RAPGEF4: variants seen among roughly 807,000 people sequenced by gnomAD.
RAPGEF4 encodes the protein RAP guanine-nucleotide-exchange factor (GEF) 4.
A neutral mutation model predicts 147.9 loss-of-function variants in RAPGEF4; 66 were observed. The ratio of observed to expected loss-of-function variants is 0.45; its 90% CI spans 0.37 to 0.55. The LOEUF is 0.55. Among genes scored for constraint, RAPGEF4 ranks in the 20% least tolerant of loss-of-function variants. RAPGEF4 has a pLI of 0.00. For synonymous variants in RAPGEF4, 419 were observed against 442.7 expected (o/e 0.95, Z 0.67); for missense variants, 1,071 against 1,257.3 (o/e 0.85, Z 2.24).
intron 23 of RAPGEF4, among the ~76,000 whole-genome samples, chr2:173,025,466 G>A (rs1696569421): frequency 6.6e-6 from 1 of 152,180 alleles, no homozygotes; most frequent in South Asian, 2.1e-4. Flanking sequence ...TTTTGGAGAT[G>A]GAGTCTCATT....
At chr2:172,919,246 G>C (rs927063609) in intron 5 of RAPGEF4, among the ~76,000 whole-genome samples, 1 of 152,134 alleles carries the variant, frequency 6.6e-6, no homozygotes, top group Non-Finnish European at 1.5e-5. Context: ...GTGAATCAAA[G>C]TATGTTGTTT....
At chr2:172,786,988 T>C (rs1282971299) in intron 1 of RAPGEF4, among the ~76,000 whole-genome samples, 3 of 152,124 alleles carry the variant, frequency 2.0e-5, no homozygotes, top group African/African-American at 7.2e-5. Context: ...GGCGGGTGGA[T>C]CACCTGAGGT....
chr2:172,940,353 C>T (rs2105323911), intron 6 of RAPGEF4, among the ~76,000 whole-genome samples: 1 of 152,104 alleles, frequency 6.6e-6, no homozygotes, highest in Middle Eastern at 3.4e-3. Context: ...ATTGTAATCC[C>T]AATGCTGGAG....
intron 6 of RAPGEF4, among the ~76,000 whole-genome samples, chr2:172,957,990 T>C (rs1311230398): frequency 6.6e-6 from 1 of 152,238 alleles, no homozygotes; most frequent in Non-Finnish European, 1.5e-5. Flanking sequence ...TGTTAAAATA[T>C]AGCCATTGCT....
chr2:172,959,215 G>A (rs758175220), intron 6 of RAPGEF4, among the ~76,000 whole-genome samples: 8 of 152,228 alleles, frequency 5.3e-5, no homozygotes, highest in Non-Finnish European at 8.8e-5. Flanking sequence ...ACAATAAGGC[G>A]TCAGCAGGGC....
intron 12 of RAPGEF4, 59 bp downstream of exon 12, chr2:172,985,552 C>T: frequency 6.3e-7 from 1 of 1,579,914 alleles, no homozygotes; most frequent in Non-Finnish European, 8.6e-7. Context: ...AAGCACATGC[C>T]ACGGGAAGCC....
intron 10 of RAPGEF4, 105 bp downstream of exon 10, chr2:172,967,549 C>T: frequency 1.7e-6 from 2 of 1,206,222 alleles, no homozygotes; most frequent in South Asian, 1.7e-5. Flanking sequence ...CCTGGCCATC[C>T]CCCATGGAAC....
At chr2:172,951,172 T>G (rs1688174736) in intron 6 of RAPGEF4, among the ~76,000 whole-genome samples, 1 of 152,242 alleles carries the variant, frequency 6.6e-6, no homozygotes, top group African/African-American at 2.4e-5. Context: ...AATTACTTAG[T>G]ATTCCTCTCT....
intron 4 of RAPGEF4, among the ~76,000 whole-genome samples, chr2:172,842,082 A>C (rs561318094): frequency 6.6e-6 from 1 of 152,314 alleles, no homozygotes; most frequent in African/African-American, 2.4e-5. Flanking sequence ...TATATAGACC[A>C]TCTGTTATGT....
At chr2:172,818,736 C>G (rs1253249326) in intron 4 of RAPGEF4, among the ~76,000 whole-genome samples, 1 of 152,166 alleles carries the variant, frequency 6.6e-6, no homozygotes, top group African/African-American at 2.4e-5. Context: ...AAAAGTAGTC[C>G]TTTAATAGGC....
chr2:172,756,107 T>C (rs914356224), intron 1 of RAPGEF4, among the ~76,000 whole-genome samples: 1 of 152,238 alleles, frequency 6.6e-6, no homozygotes, highest in African/African-American at 2.4e-5. Context: ...CCCTACTTCA[T>C]ATCACTCATT....
chr2:172,791,107 A>G (rs1307278824), intron 1 of RAPGEF4, among the ~76,000 whole-genome samples: 2 of 152,192 alleles, frequency 1.3e-5, no homozygotes, highest in Non-Finnish European at 2.9e-5. Flanking sequence ...CAGATACTGC[A>G]TGAAGGCAGA....
rs141664267 is a variant in RAPGEF4, at chr2:173,003,895, C to T, written c.1658+2551C>T. ...AGTGGTTTAACCCCTATGTTTTTAA[C>T]GTGGGATATTAGGGATAGTAAAATA... is the stretch of plus-strand genomic sequence containing the variant. On this transcript the variant is annotated intron_variant, in intron 17 of 30. Transcript: ENST00000397081. Among the ~76,000 whole-genome samples, 20 of 152,238 alleles carry T rather than the reference C, an allele frequency of 1.3e-4. No individual in the cohort carries two copies. The East Asian group carries it at 3.5e-3, about 26-fold the overall frequency.
At position 172,814,372 on chromosome 2, in the gene RAPGEF4, G is replaced by A; in HGVS notation, c.391G>A (p.Glu131Lys). The change falls in exon 4 of 31, where the codon GAG becomes AAG. Residue 131 changes from glutamate to lysine, a missense_variant. Glu to Lys is a moderately conservative substitution (Grantham distance 56). Transcript: ENST00000397081. ...TPRHATIVTR[E>K]SSELLRIEQK... is the part of the protein sequence containing the mutation. ...CCGCCATGCAACCATCGTTACCAGG[G>A]AGAGCAGTGAACTGCTCCGCATCGA... The A allele has an allele frequency of 6.2e-7, 1 of 1,614,110 alleles. No individual in the cohort carries two copies. Among genetic ancestry groups the A allele is most frequent in the African/African-American group, 1.3e-5 (1 of 75,034 alleles).
At chr2:172,969,269 G>T (rs1322892251) in intron 10 of RAPGEF4, among the ~76,000 whole-genome samples, 1 of 152,220 alleles carries the variant, frequency 6.6e-6, no homozygotes. Flanking sequence ...AGGTGCTAAG[G>T]CATTAAGGTA....
At chr2:172,844,130 A>C (rs1399966734) in intron 4 of RAPGEF4, among the ~76,000 whole-genome samples, 1 of 152,224 alleles carries the variant, frequency 6.6e-6, no homozygotes, top group Non-Finnish European at 1.5e-5. Context: ...TTACGGGTTG[A>C]TCAGTATACA....
rs752059924 is a variant in RAPGEF4, at chr2:172,996,470, A to G, written c.1495A>G (p.Thr499Ala). 13 of 1,561,888 alleles carry G rather than the reference A, an allele frequency of 8.3e-6. No homozygotes were observed. Among genetic ancestry groups the G allele is most frequent in the Admixed American group, 8.3e-5 (4 of 48,140 alleles). The change falls in exon 16 of 31, where the codon ACT becomes GCT. Residue 499 changes from threonine to alanine, a missense_variant. Coordinates refer to ENST00000397081, the MANE Select transcript of RAPGEF4 (RefSeq NM_007023.4). ...GCATTTTTGTTTCTTATCCAGGTAT[A>G]CTGTGATGTCAGGAACACCTGAAAA... ...QGNSQPQQKY[T>A]VMSGTPEKIL...
At position 173,048,589 on chromosome 2, in the gene RAPGEF4, A is replaced by G; in HGVS notation, c.2854-11A>G. The G allele has an allele frequency of 6.2e-7, 1 of 1,613,434 alleles. No individual in the cohort carries two copies. ...GAATTTCTATCTTTCTTTTTTCTAT[A>G]TTCCTTTTAGCGCATGATTGCAAAT... is the stretch of plus-strand genomic sequence containing the variant. On this transcript the variant is annotated splice_polypyrimidine_tract_variant and intron_variant, in intron 29 of 30. Coordinates refer to ENST00000397081, the MANE Select transcript of RAPGEF4 (RefSeq NM_007023.4).
chr2:172,860,765 A>G (rs1693951799), intron 4 of RAPGEF4, among the ~76,000 whole-genome samples: 1 of 152,124 alleles, frequency 6.6e-6, no homozygotes, highest in African/African-American at 2.4e-5. Context: ...AACGCATTAT[A>G]TTTTATGACT....
Sources: allele counts gnomAD v4.1 joint callset (sites outside exome capture counted in the v4.1 genomes callset), GRCh38; gene constraint gnomAD v4.1.1; transcripts MANE v1.5; gene names NCBI Gene and HGNC (gene_info 2026-07-23, HGNC 2026-07-21).